The following UBE2N variants were observed in gnomAD, a reference collection of about 807,000 sequenced individuals.
The protein encoded by UBE2N is ubiquitin-conjugating enzyme E2 N.
For synonymous variants in UBE2N, 70 were observed against 69.2 expected (o/e 1.01, Z -0.06); for missense variants, 60 against 192.1 (o/e 0.31, Z 4.07).
chr12:93,427,166 C>T (rs1391267091), intron 1 of UBE2N, among the ~76,000 whole-genome samples: 3 of 152,180 alleles, frequency 2.0e-5, no homozygotes, highest in Non-Finnish European at 4.4e-5. Context: ...GGGATTGGCC[C>T]GCCTCAGCCT....
chr12:93,410,497 G>A, intron 3 of UBE2N: 2 of 606,854 alleles, frequency 3.3e-6, no homozygotes, highest in South Asian at 4.3e-5. Flanking sequence ...CTCAGTATTT[G>A]TTAAACCAGG....
intron 1 of UBE2N, among the ~76,000 whole-genome samples, chr12:93,414,427 C>T (rs981828510): frequency 9.9e-6 from 1 of 101,402 alleles, no homozygotes; most frequent in Non-Finnish European, 1.9e-5. Context: ...CCAGCCTAGG[C>T]AAAAGAGCGA....
chr12:93,436,024 AG>A (rs1878924670), intron 1 of UBE2N, among the ~76,000 whole-genome samples: 1 of 152,218 alleles, frequency 6.6e-6, no homozygotes, highest in African/African-American at 2.4e-5. Context: ...TTGACTCACT[AG>A]GTTTTAATCA....
chr12:93,438,865 A>C (rs1301290451), intron 1 of UBE2N, among the ~76,000 whole-genome samples: 2 of 152,192 alleles, frequency 1.3e-5, no homozygotes, highest in Non-Finnish European at 2.9e-5. Flanking sequence ...AGTCCAGAAA[A>C]TCATCTTGTA....
In UBE2N at chr12:93,411,963, A is replaced by C. The variant is rs996533696; in HGVS notation, c.31-664T>G. Among the ~76,000 whole-genome samples, 5 of 152,258 alleles carry C rather than the reference A, an allele frequency of 3.3e-5. 1 individual carries two copies. Among genetic ancestry groups the C allele is most frequent in the East Asian group, 1.9e-4 (1 of 5,182 alleles). On this transcript the variant is annotated intron_variant, in intron 1 of 3. Coordinates refer to ENST00000318066, the MANE Select transcript of UBE2N (RefSeq NM_003348.4). ...CGCCTTGGCTTCCCAAAGTGCTGAG[A>C]TTACAGGTATGGGCCAACACACTCG...
intron 1 of UBE2N, among the ~76,000 whole-genome samples, chr12:93,420,402 C>T (rs917360896): frequency 2.0e-5 from 3 of 152,054 alleles, no homozygotes; most frequent in African/African-American, 7.2e-5. Flanking sequence ...TTCTGAAAGT[C>T]AAAGTATATA....
At position 93,441,245 on chromosome 12, in the gene UBE2N, G is replaced by C. The variant is rs898635520; in HGVS notation, c.30+610C>G. ...GGGGCGCGGGGCCCCCACGTCCCGGGACCCAGGCAGCCGCGGCAACCAGGG... is the reference window on the plus strand; with the variant it reads ...GGGGCGCGGGGCCCCCACGTCCCGGCACCCAGGCAGCCGCGGCAACCAGGG... On this transcript the variant is annotated intron_variant, in intron 1 of 3. Transcript: ENST00000318066. 2.7e-4 allele frequency: 41 copies of C among 152,326 alleles called. 1 individual carries two copies. The highest frequency in any genetic ancestry group is 8.8e-5 in the Non-Finnish European group (6 of 68,192). 9.4% of individuals were successfully genotyped at this position (152,326 alleles called of 1,614,324 possible). A position where few individuals can be genotyped will look rare whatever the true frequency, so the allele number is the denominator to read the frequency against.
At chr12:93,423,547 A>G (rs1443996445) in intron 1 of UBE2N, among the ~76,000 whole-genome samples, 1 of 152,246 alleles carries the variant, frequency 6.6e-6, no homozygotes, top group Non-Finnish European at 1.5e-5. Context: ...GTTAAATTCA[A>G]CTAAGCAGCC....
At chr12:93,414,781 A>C (rs888872193) in intron 1 of UBE2N, among the ~76,000 whole-genome samples, 1 of 151,926 alleles carries the variant, frequency 6.6e-6, no homozygotes, top group African/African-American at 2.4e-5. Flanking sequence ...CACACTCCCT[A>C]TCCCCACTCC....
chr12:93,410,686 A>G (rs371930575), intron 3 of UBE2N, 48 bp downstream of exon 3: 180 of 1,607,762 alleles, frequency 1.1e-4, no homozygotes, highest in Non-Finnish European at 1.5e-4. Context: ...GTGGTAATAC[A>G]AATTTGTAAA....
intron 3 of UBE2N, 82 bp from the exon 4 acceptor site, chr12:93,410,161 C>A: frequency 1.5e-6 from 2 of 1,332,436 alleles, no homozygotes; most frequent in Admixed American, 3.7e-5. Flanking sequence ...CAAACAACCA[C>A]TATTAATTAT....
intron 1 of UBE2N, chr12:93,441,034 G>A (rs12809242): frequency 0.12 from 18,154 of 152,498 alleles, 1,163 homozygotes; most frequent in Middle Eastern, 0.17. Context: ...ACGAAAAAGA[G>A]AGGAGAGGAG....
chr12:93,420,317 C>T (rs952699223), intron 1 of UBE2N, among the ~76,000 whole-genome samples: 5 of 152,066 alleles, frequency 3.3e-5, no homozygotes, highest in African/African-American at 1.2e-4. Context: ...CTAATTTTTT[C>T]CCTCAAACCT....
rs570059090 is a variant in UBE2N, at chr12:93,408,935, G to A, written c.*1104C>T. On this transcript the variant is annotated 3_prime_UTR_variant, in exon 4 of 4. Coordinates refer to ENST00000318066, the MANE Select transcript of UBE2N (RefSeq NM_003348.4). The stretch of plus-strand genomic sequence containing the variant: ...TTTTCAGATAAGAACCAAGAAAAAT[G>A]TCATAACCCAAATTTTAGGCAAAAA... 6.5e-6 allele frequency: 1 copy of A among 152,742 alleles called. No homozygotes were observed. Among genetic ancestry groups the A allele is most frequent in the South Asian group, 2.1e-4 (1 of 4,824 alleles). 9.5% of individuals were successfully genotyped at this position (152,742 alleles called of 1,614,324 possible).
At chr12:93,410,111 T>C (rs539318139) in intron 3 of UBE2N, 32 bp from the exon 4 acceptor site, 2 of 1,605,298 alleles carry the variant, frequency 1.2e-6, no homozygotes, top group African/African-American at 2.7e-5. Flanking sequence ...CGATTATTAT[T>C]TTACTTAGTT....
chr12:93,417,023 A>T (rs1878239183), intron 1 of UBE2N, among the ~76,000 whole-genome samples: 1 of 152,222 alleles, frequency 6.6e-6, no homozygotes, highest in Non-Finnish European at 1.5e-5. Flanking sequence ...CATGCATAAT[A>T]GAAAGCACTG....
rs892041419 is a variant in UBE2N, at chr12:93,405,783, T to G, written c.*4256A>C. On this transcript the variant is annotated 3_prime_UTR_variant, in exon 4 of 4. Coordinates refer to ENST00000318066, the MANE Select transcript of UBE2N (RefSeq NM_003348.4). ...ATGTTATTTAAAGTATAAACCCTCA[T>G]ATAATTCCCTAAGATGGGTGGCATG... 2 of 152,114 alleles carry G rather than the reference T, an allele frequency of 1.3e-5. No individual in the cohort carries two copies. Among genetic ancestry groups the G allele is most frequent in the Non-Finnish European group, 2.9e-5 (2 of 68,026 alleles). The allele number at this position is 152,114 out of a possible 1,614,324, so 9.4% of individuals were successfully genotyped here. A position where few individuals can be genotyped will look rare whatever the true frequency, so the allele number is the denominator to read the frequency against.
chr12:93,434,270 G>A (rs958369876), intron 1 of UBE2N, among the ~76,000 whole-genome samples: 6 of 152,128 alleles, frequency 3.9e-5, no homozygotes, highest in Admixed American at 1.3e-4. Context: ...CCAGCCTGGC[G>A]ACAGAGCGAG....
rs752605036 is a variant in UBE2N at position 93,441,846 on chromosome 12, G to C, written c.30+9C>G. ...GAGCGAAGAGCTGGAGGCCGGCCTG[G>C]GCGGTTACCTTGATGATCCTGCGGG... On this transcript the variant is annotated intron_variant, in intron 1 of 3. Transcript: ENST00000318066. 2 of 1,579,158 alleles carry C rather than the reference G, an allele frequency of 1.3e-6. No homozygotes were observed. The highest frequency in any genetic ancestry group is 1.7e-6 in the Non-Finnish European group (2 of 1,165,294).
Sources: gnomAD v4.1 joint callset for allele counts (sites outside exome capture counted in the v4.1 genomes callset) on GRCh38, gnomAD v4.1.1 for gene constraint, MANE v1.5 for transcripts, NCBI Gene and HGNC (gene_info 2026-07-23, HGNC 2026-07-21) for gene names.